GPC6: variants seen among roughly 807,000 people sequenced by gnomAD.
GPC6 encodes glypican-6.
Under a neutral mutation model 55.2 loss-of-function variants are expected in GPC6, and 14 were observed. The ratio of observed to expected loss-of-function variants is 0.25; its 90% CI spans 0.17 to 0.40. GPC6 has a LOEUF of 0.40. Ranked by LOEUF, GPC6 falls within the 10% of genes least tolerant of loss-of-function variation. The pLI is 1.00. For synonymous variants in GPC6, 278 were observed against 259.6 expected, an observed-to-expected ratio of 1.07 and a Z score of -0.68; for missense variants, 641 against 708.5, an observed-to-expected ratio of 0.90 and a Z score of 1.08.
At chr13:93,913,306 T>A (rs561294061) in intron 3 of GPC6, among the ~76,000 whole-genome samples, 2 of 152,324 alleles carry the variant, frequency 1.3e-5, no homozygotes, top group East Asian at 3.9e-4. Context: ...TGAACAGCCC[T>A]TGGTCTCACT....
At chr13:93,393,119 T>TAGAGAG (rs1327448830) in intron 1 of GPC6, among the ~76,000 whole-genome samples, 1 of 77,804 alleles carries the variant, frequency 1.3e-5, no homozygotes, top group Non-Finnish European at 3.2e-5. Flanking sequence ...TATATATATA[T>TAGAGAG]ATATATATAG....
At chr13:93,262,104 T>TTTC (rs1488364699) in intron 1 of GPC6, among the ~76,000 whole-genome samples, 23 of 152,258 alleles carry the variant, frequency 1.5e-4, no homozygotes, top group African/African-American at 5.3e-4. Context: ...ACCCTTAGCT[T>TTTC]TTCACACTTT....
intron 6 of GPC6, among the ~76,000 whole-genome samples, chr13:94,337,261 G>A (rs1179189663): frequency 6.6e-6 from 1 of 152,090 alleles, no homozygotes; most frequent in African/African-American, 2.4e-5. Context: ...TTGAAGCCTT[G>A]ATATTCTCAT....
chr13:94,297,286 A>G (rs1363200542), intron 5 of GPC6, among the ~76,000 whole-genome samples: 1 of 152,188 alleles, frequency 6.6e-6, no homozygotes, highest in Non-Finnish European at 1.5e-5. Flanking sequence ...CTCAACAAAT[A>G]TTTGTTGAAT....
chr13:93,848,487 T>C lies in GPC6; in HGVS notation c.711+17942T>C, dbSNP rs550058079. 2.6e-5 allele frequency among the ~76,000 whole-genome samples: 4 copies of C among 152,264 alleles called. No individual in the cohort carries two copies. In the East Asian group the frequency reaches 7.7e-4, roughly 29 times the overall value. On this transcript the variant is annotated intron_variant, in intron 3 of 8. Transcript: ENST00000377047. Reference sequence around the variant, plus strand: ...CAACCCTCCCAGTCATTAGGCTCTGTACCTTCTTTTGGGCATCCTACGAAT... The same window carrying C: ...CAACCCTCCCAGTCATTAGGCTCTGCACCTTCTTTTGGGCATCCTACGAAT...
At chr13:93,234,360 C>T (rs1876163029) in intron 1 of GPC6, among the ~76,000 whole-genome samples, 1 of 152,190 alleles carries the variant, frequency 6.6e-6, no homozygotes, top group Non-Finnish European at 1.5e-5. Flanking sequence ...CCCCCACCCC[C>T]ATCAGTCCTG....
intron 2 of GPC6, among the ~76,000 whole-genome samples, chr13:93,656,902 T>C (rs185590377): frequency 1.8e-4 from 28 of 151,968 alleles, no homozygotes; most frequent in Admixed American, 1.8e-3. Context: ...AGTAAGGAGA[T>C]GAATGATTCT....
At chr13:93,683,927 T>C (rs1156455173) in intron 2 of GPC6, among the ~76,000 whole-genome samples, 1 of 152,134 alleles carries the variant, frequency 6.6e-6, no homozygotes, top group Non-Finnish European at 1.5e-5. Flanking sequence ...CCAGGTTGCA[T>C]GCTGCCAACT....
At chr13:93,482,713 A>G (rs1879564237) in intron 1 of GPC6, among the ~76,000 whole-genome samples, 1 of 152,194 alleles carries the variant, frequency 6.6e-6, no homozygotes, top group Non-Finnish European at 1.5e-5. Flanking sequence ...TGTTTAAAAT[A>G]TACTGGGATT....
chr13:93,539,818 A>G (rs1452875308), intron 1 of GPC6, among the ~76,000 whole-genome samples: 2 of 151,728 alleles, frequency 1.3e-5, no homozygotes, highest in Admixed American at 6.6e-5. Context: ...CAGCCTCCCA[A>G]GTAGCTGGGA....
intron 1 of GPC6, among the ~76,000 whole-genome samples, chr13:93,530,988 A>G (rs974594619): frequency 6.6e-6 from 1 of 152,176 alleles, no homozygotes; most frequent in Admixed American, 6.6e-5. Context: ...GGTTAACACA[A>G]TACTGACTCC....
At chr13:93,615,666 A>C (rs774617196) in intron 2 of GPC6, among the ~76,000 whole-genome samples, 11 of 152,126 alleles carry the variant, frequency 7.2e-5, no homozygotes, top group Non-Finnish European at 1.3e-4. Flanking sequence ...CTTTTTGTGA[A>C]TAAGGACCTC....
At chr13:93,995,377 A>G (rs1289049370) in intron 3 of GPC6, among the ~76,000 whole-genome samples, 1 of 151,918 alleles carries the variant, frequency 6.6e-6, no homozygotes, top group African/African-American at 2.4e-5. Context: ...TAGTAGATAC[A>G]GCATTTTGCC....
At chr13:93,731,144 C>T (rs1231546493) in intron 2 of GPC6, among the ~76,000 whole-genome samples, 1 of 152,106 alleles carries the variant, frequency 6.6e-6, no homozygotes, top group Non-Finnish European at 1.5e-5. Context: ...TGCTCATTCC[C>T]TGCATTACAG....
chr13:93,295,626 G>A (rs1032701561), intron 1 of GPC6, among the ~76,000 whole-genome samples: 4 of 151,956 alleles, frequency 2.6e-5, no homozygotes, highest in Admixed American at 1.3e-4. Context: ...GACTATAGGC[G>A]CCTGCTACTG....
chr13:94,157,236 G>A (rs1887983189), intron 4 of GPC6, among the ~76,000 whole-genome samples: 1 of 152,026 alleles, frequency 6.6e-6, no homozygotes, highest in Non-Finnish European at 1.5e-5. Context: ...AAAGCTTAAG[G>A]GACTGAATAA....
intron 2 of GPC6, among the ~76,000 whole-genome samples, chr13:93,651,407 C>T (rs1880403409): frequency 6.6e-6 from 1 of 152,106 alleles, no homozygotes; most frequent in Non-Finnish European, 1.5e-5. Context: ...AGCTGAGCCT[C>T]AGGAAGGTCA....
intron 1 of GPC6, among the ~76,000 whole-genome samples, chr13:93,347,853 C>T (rs1242789625): frequency 1.3e-5 from 2 of 152,132 alleles, no homozygotes; most frequent in South Asian, 4.1e-4. Flanking sequence ...GGCAGGCTTT[C>T]CAGTGTTTTT....
At chr13:94,072,847 G>T (rs1337029951) in intron 4 of GPC6, among the ~76,000 whole-genome samples, 1 of 152,188 alleles carries the variant, frequency 6.6e-6, no homozygotes, top group Non-Finnish European at 1.5e-5. Flanking sequence ...GTCTAATCCA[G>T]ACTAGAGGGG....
Sources: gnomAD v4.1 joint callset for allele counts (sites outside exome capture counted in the v4.1 genomes callset) on GRCh38, gnomAD v4.1.1 for gene constraint, MANE v1.5 for transcripts, NCBI Gene and HGNC (gene_info 2026-07-23, HGNC 2026-07-21) for gene names.